Variants in FABP1 observed in about 807,000 individuals in gnomAD.
FABP1 encodes the protein fatty acid binding protein 1.
A neutral mutation model predicts 13.7 loss-of-function variants in FABP1; 13 were observed. That is an observed-to-expected ratio of 0.95 (90% confidence interval 0.62 to 1.51). The LOEUF (loss-of-function observed/expected upper bound fraction) is 1.51. Among genes scored for constraint, FABP1 ranks in the 40% most tolerant of loss-of-function variants. The probability of loss-of-function intolerance (pLI) is 0.00; values close to 1 mark genes in which losing one functional copy is unlikely to be tolerated. For missense variants in FABP1, 140 were observed against 155.7 expected, an observed-to-expected ratio of 0.90 and a Z score of 0.54; for synonymous variants, 48 against 59.8, an observed-to-expected ratio of 0.80 and a Z score of 0.91.
At chr2:88,127,852 T>TC (rs898755851) in intron 1 of FABP1, 99 bp downstream of exon 1, 1 of 1,197,464 alleles carries the variant, frequency 8.4e-7, no homozygotes, top group Non-Finnish European at 1.2e-6. Context: ...CCTGAATCTC[T>TC]CCCCCCATCT....
intron 3 of FABP1, chr2:88,123,430 C>CTACT (rs1362320404): frequency 3.1e-6 from 1 of 324,752 alleles, no homozygotes; most frequent in Non-Finnish European, 5.7e-6. Context: ...CATTGAGTAC[C>CTACT]TACTATGCAC....
At chr2:88,124,431 T>C (rs750905913) in intron 3 of FABP1, 63 bp downstream of exon 3, 103 of 1,303,014 alleles carry the variant, frequency 7.9e-5, no homozygotes, top group Middle Eastern at 6.1e-4. Context: ...CCGCTCCCCA[T>C]GCTTCACCTC....
chr2:88,127,854 C>T (rs1675328287), intron 1 of FABP1, 97 bp downstream of exon 1: 2 of 1,213,292 alleles, frequency 1.6e-6, no homozygotes, highest in Admixed American at 1.7e-5. Flanking sequence ...TGAATCTCTC[C>T]CCCCATCTCA....
intron 3 of FABP1, 68 bp from the exon 4 acceptor site, chr2:88,123,172 T>TA: frequency 1.5e-6 from 2 of 1,358,912 alleles, no homozygotes; most frequent in Non-Finnish European, 2.0e-6. Context: ...AAATTAAGCA[T>TA]AAAAAACAAA....
chr2:88,126,562 CCAGT>C (rs1239250408), intron 1 of FABP1: 7 of 493,224 alleles, frequency 1.4e-5, no homozygotes, highest in Admixed American at 1.2e-4. Flanking sequence ...TGCTATCTTG[CCAGT>C]CAATTTATAA....
intron 3 of FABP1, 38 bp from the exon 4 acceptor site, chr2:88,123,142 A>T: frequency 6.4e-7 from 1 of 1,558,522 alleles, no homozygotes; most frequent in Non-Finnish European, 8.7e-7. Flanking sequence ...TGTTCATCTG[A>T]TGTTGTATTG....
At chr2:88,123,172 TA>T in intron 3 of FABP1, 68 bp from the exon 4 acceptor site, 2 of 1,358,912 alleles carry the variant, frequency 1.5e-6, no homozygotes, top group South Asian at 1.3e-5. Context: ...AAATTAAGCA[TA>T]AAAAACAAAA....
Position 88,122,996 on chromosome 2 carries a change from A to G in FABP1, c.*58T>C. The G allele has an allele frequency of 1.4e-6, 2 of 1,443,526 alleles. No individual in the cohort carries two copies. Among genetic ancestry groups the G allele is most frequent in the Admixed American group, 2.1e-5 (1 of 48,496 alleles). 89.4% of individuals were successfully genotyped at this position (1,443,526 alleles called of 1,614,324 possible). ...TTGAGAAGACATTTTTTTTTAAAAC[A>G]AAGTTCACTTTATTACATTAATTTT... On this transcript the variant is annotated 3_prime_UTR_variant, in exon 4 of 4. Transcript: ENST00000295834.
Position 88,127,939 on chromosome 2 carries a change from T to A in FABP1, c.67+12A>T, listed in dbSNP as rs1319411446. The A allele has an allele frequency of 6.2e-7, 1 of 1,614,100 alleles. No individual in the cohort carries two copies. Reference sequence around the variant, plus strand: ...TGTGACCCACAGCTTTGCCTTTCAGTCCAGCACTCACCGATTGCCTTCATG... The same window carrying A: ...TGTGACCCACAGCTTTGCCTTTCAGACCAGCACTCACCGATTGCCTTCATG... On this transcript the variant is annotated intron_variant, in intron 1 of 3. Transcript: ENST00000295834.
At chr2:88,126,600 G>A in intron 1 of FABP1, 1 of 393,586 alleles carries the variant, frequency 2.5e-6, no homozygotes, top group Non-Finnish European at 4.7e-6. Context: ...CTGGCCTGAA[G>A]AACCGTTCCT....
chr2:88,126,066 G>C (rs1675290584), intron 2 of FABP1, 110 bp downstream of exon 2: 1 of 1,191,272 alleles, frequency 8.4e-7, no homozygotes, highest in Non-Finnish European at 1.2e-6. Context: ...TGGGAGGTGG[G>C]TTCAGAGATG....
At chr2:88,126,154 A>T (rs1002776849) in intron 2 of FABP1, 22 bp downstream of exon 2, 2 of 1,588,912 alleles carry the variant, frequency 1.3e-6, no homozygotes, top group South Asian at 2.2e-5. Flanking sequence ...AAGTTCTGAC[A>T]GCAGAAGGGA....
chr2:88,125,932 C>G, intron 2 of FABP1: 1 of 390,920 alleles, frequency 2.6e-6, no homozygotes, highest in Non-Finnish European at 4.7e-6. Context: ...CCCATATCCT[C>G]CATATGGGAG....
chr2:88,125,472 G>A (rs1368923067), intron 2 of FABP1, among the ~76,000 whole-genome samples: 1 of 152,168 alleles, frequency 6.6e-6, no homozygotes, highest in Non-Finnish European at 1.5e-5. Flanking sequence ...GAGGGAGGAG[G>A]AGACGGGCAC....
At chr2:88,127,853 C>T (rs995693478) in intron 1 of FABP1, 98 bp downstream of exon 1, 4 of 1,202,288 alleles carry the variant, frequency 3.3e-6, no homozygotes, top group Admixed American at 1.7e-5. Flanking sequence ...CTGAATCTCT[C>T]CCCCCATCTC....
chr2:88,126,018 T>TC, intron 2 of FABP1, 158 bp downstream of exon 2: 1 of 733,322 alleles, frequency 1.4e-6, no homozygotes. Context: ...ATAAGATTCT[T>TC]CCCTAAGAGC....
At chr2:88,127,308 C>A (rs1010633480) in intron 1 of FABP1, among the ~76,000 whole-genome samples, 9 of 152,324 alleles carry the variant, frequency 5.9e-5, no homozygotes, top group Admixed American at 2.0e-4. Context: ...AGCAGGGTCT[C>A]TGAGAACCAG....
At chr2:88,123,160 C>A (rs1210150231) in intron 3 of FABP1, 56 bp from the exon 4 acceptor site, 1 of 1,447,942 alleles carries the variant, frequency 6.9e-7, no homozygotes, top group Non-Finnish European at 9.5e-7. Flanking sequence ...TTGTAAAAAA[C>A]AAAATTAAGC....
At chr2:88,127,188 G>A (rs1226868877) in intron 1 of FABP1, among the ~76,000 whole-genome samples, 3 of 152,032 alleles carry the variant, frequency 2.0e-5, no homozygotes, top group African/African-American at 7.2e-5. Context: ...CTAGACACCT[G>A]TCTTCCAAAG....
Sources: allele counts gnomAD v4.1 joint callset (sites outside exome capture counted in the v4.1 genomes callset), GRCh38; gene constraint gnomAD v4.1.1; transcripts MANE v1.5; gene names NCBI Gene and HGNC (gene_info 2026-07-23, HGNC 2026-07-21).